FARP1: variants seen among roughly 807,000 people sequenced by gnomAD.
The protein encoded by FARP1 is FERM, ARH/RhoGEF and pleckstrin domain protein 1.
A neutral mutation model predicts 128.8 loss-of-function variants in FARP1; 52 were observed. The observed-to-expected ratio is 0.40, with a 90% CI of 0.32 to 0.51. FARP1 has a LOEUF of 0.51. FARP1 is among the 20% of genes least tolerant of loss of function. FARP1 has a pLI of 0.45. For missense variants in FARP1, 1,333 were observed against 1,367.9 expected (o/e 0.97, Z 0.40); for synonymous variants, 580 against 551.8 (o/e 1.05, Z -0.72).
intron 2 of FARP1, among the ~76,000 whole-genome samples, chr13:98,265,809 C>T (rs996800901): frequency 1.3e-5 from 2 of 152,152 alleles, no homozygotes; most frequent in Non-Finnish European, 2.9e-5. Flanking sequence ...GCTCTGGATC[C>T]TGTGGCGTGG....
chr13:98,242,725 A>G (rs116788890), intron 2 of FARP1, among the ~76,000 whole-genome samples: 2,423 of 152,326 alleles, frequency 0.016, 66 homozygotes, highest in African/African-American at 0.052. Context: ...AAGGCTATGG[A>G]AAAACATAGT....
intron 16 of FARP1, among the ~76,000 whole-genome samples, chr13:98,417,019 A>G (rs143049761): frequency 6.6e-6 from 1 of 152,294 alleles, no homozygotes; most frequent in African/African-American, 2.4e-5. Flanking sequence ...ATGTCGAGAT[A>G]TCACTGAGCA....
chr13:98,322,935 G>T (rs1217079437), intron 2 of FARP1, among the ~76,000 whole-genome samples: 2 of 152,176 alleles, frequency 1.3e-5, no homozygotes, highest in African/African-American at 4.8e-5. Flanking sequence ...ATGGGAGAGG[G>T]AGGAAAATAT....
rs139853706 is a variant in FARP1 at position 98,204,676 on chromosome 13, A to G, written c.-23-8544A>G. 2.4e-3 allele frequency among the ~76,000 whole-genome samples: 361 copies of G among 152,298 alleles called. 1 individual carries two copies. Among genetic ancestry groups the G allele is most frequent in the African/African-American group, 8.2e-3 (340 of 41,570 alleles). On this transcript the variant is annotated intron_variant, in intron 1 of 26. Coordinates refer to ENST00000319562, the MANE Select transcript of FARP1 (RefSeq NM_005766.4). ...TCTCACCTGTTTAAAATGTTTGGCT[A>G]TTGGCTGCATGTGGTGGCTTATGCC...
chr13:98,394,083 T>G (rs2140067778), intron 12 of FARP1, among the ~76,000 whole-genome samples: 1 of 152,292 alleles, frequency 6.6e-6, no homozygotes, highest in South Asian at 2.1e-4. Flanking sequence ...TTGTAACCAA[T>G]GGGTGTAACT....
intron 2 of FARP1, among the ~76,000 whole-genome samples, chr13:98,221,470 C>G (rs1236249746): frequency 6.6e-6 from 1 of 152,006 alleles, no homozygotes; most frequent in East Asian, 1.9e-4. Flanking sequence ...AAAGCTGTGT[C>G]CCAAGGGGCC....
intron 2 of FARP1, among the ~76,000 whole-genome samples, chr13:98,305,657 G>T (rs1886116436): frequency 6.6e-6 from 1 of 152,024 alleles, no homozygotes; most frequent in Non-Finnish European, 1.5e-5. Flanking sequence ...AATGTGAAAA[G>T]CTTCACTTCT....
At position 98,176,311 on chromosome 13, in the gene FARP1, G is replaced by A. The variant is rs1878017388; in HGVS notation, c.-24+32819G>A. 4 of 1,612,874 alleles carry A rather than the reference G, an allele frequency of 2.5e-6. No individual in the cohort carries two copies. The East Asian group carries it at 6.7e-5, about 27-fold the overall frequency. Reference sequence around the variant, plus strand: ...TGCAGCCTGAAGCTTTTGCAGTTTCGCCATCAGTTCTTTGGCGGGGTTAAA... The same window carrying A: ...TGCAGCCTGAAGCTTTTGCAGTTTCACCATCAGTTCTTTGGCGGGGTTAAA... On this transcript the variant is annotated intron_variant, in intron 1 of 26. Coordinates refer to ENST00000319562, the MANE Select transcript of FARP1 (RefSeq NM_005766.4). The surrounding 1 kb of genome is among the most constrained non-coding windows in gnomAD (Gnocchi z 6.2).
intron 2 of FARP1, among the ~76,000 whole-genome samples, chr13:98,224,299 A>G (rs1319600902): frequency 6.6e-6 from 1 of 152,054 alleles, no homozygotes; most frequent in East Asian, 1.9e-4. Flanking sequence ...AGGCCGAGGC[A>G]GGTGGATCAC....
chr13:98,291,871 T>C lies in FARP1; in HGVS notation c.172-51891T>C, dbSNP rs189674532. ...ACCAAGTTGACACCATCTGGCCCAA[T>C]TCCCCTGCATTTTCTTGGAGAGTGA... On this transcript the variant is annotated intron_variant, in intron 2 of 26. Transcript: ENST00000319562. 3.1e-3 allele frequency among the ~76,000 whole-genome samples: 478 copies of C among 152,320 alleles called. 2 individuals carry two copies. The highest frequency in any genetic ancestry group is 3.2e-3 in the Non-Finnish European group (221 of 68,014).
chr13:98,305,549 G>A (rs1172475124), intron 2 of FARP1, among the ~76,000 whole-genome samples: 1 of 152,164 alleles, frequency 6.6e-6, no homozygotes, highest in Non-Finnish European at 1.5e-5. Flanking sequence ...GGTCAGGCTG[G>A]TGTTGAACTC....
rs34250002 is a variant in FARP1, at chr13:98,151,660, C to CTTTTTTTTTTTTTTTTTTTTTTTT, written c.-24+8187_-24+8188insTTTTTTTTTTTTTTTTTTTTTTTT. The stretch of plus-strand genomic sequence containing the variant: ...AAACCTGCCCTTATATATCTTCCAT[C>CTTTTTTTTTTTTTTTTTTTTTTTT]TTTTTTTTTTTTTTTTTTTGAGACG... On this transcript the variant is annotated intron_variant, in intron 1 of 26. Transcript: ENST00000319562. 5.5e-4 allele frequency among the ~76,000 whole-genome samples: 38 copies of CTTTTTTTTTTTTTTTTTTTTTTTT among 69,224 alleles called. 13 individuals are homozygous for CTTTTTTTTTTTTTTTTTTTTTTTT. The highest frequency in any genetic ancestry group is 6.6e-4 in the Non-Finnish European group (24 of 36,156). 45.4% of individuals were successfully genotyped at this position (69,224 alleles called of 152,430 possible). A position where few individuals can be genotyped will look rare whatever the true frequency, so the allele number is the denominator to read the frequency against.
chr13:98,355,997 A>G (rs1157187420), intron 3 of FARP1, among the ~76,000 whole-genome samples: 3 of 152,224 alleles, frequency 2.0e-5, no homozygotes, highest in Non-Finnish European at 4.4e-5. Flanking sequence ...AAAGTAATTT[A>G]CTGATACTTG....
At chr13:98,234,974 A>G (rs762778922) in intron 2 of FARP1, among the ~76,000 whole-genome samples, 1 of 152,238 alleles carries the variant, frequency 6.6e-6, no homozygotes, top group Non-Finnish European at 1.5e-5. Flanking sequence ...TTCCAGTGAT[A>G]TCAATCAAAA....
At chr13:98,270,216 A>C (rs1884325562) in intron 2 of FARP1, among the ~76,000 whole-genome samples, 1 of 152,160 alleles carries the variant, frequency 6.6e-6, no homozygotes. Context: ...TGCACATTTG[A>C]CCATAGAAGA....
chr13:98,294,872 C>T (rs1197969966), intron 2 of FARP1, among the ~76,000 whole-genome samples: 1 of 151,824 alleles, frequency 6.6e-6, no homozygotes, highest in East Asian at 1.9e-4. Context: ...CAAAAATTAG[C>T]TGGGCGTGGT....
chr13:98,368,256 A>G (rs1483637574), intron 5 of FARP1, 61 bp downstream of exon 5: 1 of 1,163,748 alleles, frequency 8.6e-7, no homozygotes, highest in Admixed American at 1.7e-5. Flanking sequence ...GAGAAAATGA[A>G]TGTTCTCAAT....
At position 98,176,945 on chromosome 13, in the gene FARP1, G is replaced by A. The variant is rs1878104896; in HGVS notation, c.-24+33453G>A. The A allele has an allele frequency of 1.9e-6, 3 of 1,602,408 alleles. No individual in the cohort carries two copies. Among genetic ancestry groups the A allele is most frequent in the Non-Finnish European group, 2.5e-6 (3 of 1,179,904 alleles). ...TCTGGCCCCACAGGCTTCGCCGAGC[G>A]GGTGGACCTGTACACCACGTCGAGG... On this transcript the variant is annotated intron_variant, in intron 1 of 26. Transcript: ENST00000319562. The surrounding 1 kb of genome is among the most constrained non-coding windows in gnomAD (Gnocchi z 6.2).
At chr13:98,144,406 T>G (rs1404621612) in intron 1 of FARP1, among the ~76,000 whole-genome samples, 1 of 152,188 alleles carries the variant, frequency 6.6e-6, no homozygotes, top group African/African-American at 2.4e-5. Flanking sequence ...GAGAGCCTGC[T>G]TGTCATCTGG....
Sources: gnomAD v4.1 joint callset for allele counts (sites outside exome capture counted in the v4.1 genomes callset) on GRCh38, gnomAD v4.1.1 for gene constraint, Gnocchi (gnomAD v3.1) non-coding constraint, MANE v1.5 for transcripts, NCBI Gene and HGNC (gene_info 2026-07-23, HGNC 2026-07-21) for gene names.